Variants in PDSS2 observed in about 807,000 individuals in gnomAD.
PDSS2 encodes decaprenyl diphosphate synthase subunit 2.
A neutral mutation model predicts 44.5 loss-of-function variants in PDSS2; 31 were observed. The ratio of observed to expected loss-of-function variants is 0.70; its 90% CI spans 0.52 to 0.94. The LOEUF (loss-of-function observed/expected upper bound fraction) is 0.94. PDSS2 is among the 40% of genes least tolerant of loss of function. The probability of loss-of-function intolerance (pLI) is 0.00; values close to 1 mark genes in which losing one functional copy is unlikely to be tolerated. For synonymous variants in PDSS2, 157 were observed against 180.3 expected (o/e 0.87, Z 1.03); for missense variants, 452 against 482.2 (o/e 0.94, Z 0.59).
At chr6:107,300,151 T>C (rs941332708) in intron 2 of PDSS2, among the ~76,000 whole-genome samples, 3 of 152,192 alleles carry the variant, frequency 2.0e-5, no homozygotes, top group African/African-American at 7.2e-5. Context: ...ACCTCCTTGT[T>C]AAGTTTATCT....
At chr6:107,327,516 G>A (rs1582946363) in intron 2 of PDSS2, among the ~76,000 whole-genome samples, 1 of 152,320 alleles carries the variant, frequency 6.6e-6, no homozygotes, top group Admixed American at 6.5e-5. Flanking sequence ...GGGGTGCAGT[G>A]GCACGAACCT....
chr6:107,208,285 CT>C (rs1164014672), intron 6 of PDSS2, among the ~76,000 whole-genome samples: 7,598 of 52,612 alleles, frequency 0.14, 474 homozygotes, highest in East Asian at 0.34. Context: ...CATGCCTGGC[CT>C]TTTTTTTTTT....
intron 2 of PDSS2, among the ~76,000 whole-genome samples, chr6:107,331,974 A>G (rs1173470985): frequency 1.3e-5 from 2 of 152,178 alleles, no homozygotes; most frequent in Admixed American, 6.5e-5. Context: ...TATGGGATAC[A>G]AGGCAATGTG....
chr6:107,213,990 A>T (rs1773321111), intron 4 of PDSS2, among the ~76,000 whole-genome samples: 1 of 152,018 alleles, frequency 6.6e-6, no homozygotes, highest in Non-Finnish European at 1.5e-5. Context: ...GTGGCTATAT[A>T]AAAAAAAGTG....
chr6:107,336,257 GAAAAAAA>G (rs780156049), intron 1 of PDSS2, among the ~76,000 whole-genome samples: 147 of 69,074 alleles, frequency 2.1e-3, no homozygotes, highest in Non-Finnish European at 3.9e-3. Flanking sequence ...TTCCGTCTCA[GAAAAAAA>G]AAAAAAAAAA....
chr6:107,257,362 A>G (rs1775057641), intron 3 of PDSS2, among the ~76,000 whole-genome samples: 1 of 150,734 alleles, frequency 6.6e-6, no homozygotes. Context: ...CCATAGAGAG[A>G]CTCTGTGTCT....
intron 1 of PDSS2, among the ~76,000 whole-genome samples, chr6:107,342,938 A>C (rs1208093853): frequency 6.6e-6 from 1 of 152,226 alleles, no homozygotes; most frequent in African/African-American, 2.4e-5. Flanking sequence ...TTTCAATGTT[A>C]AAACCTAGAG....
chr6:107,259,764 T>C (rs1775152215), intron 3 of PDSS2, among the ~76,000 whole-genome samples: 1 of 152,206 alleles, frequency 6.6e-6, no homozygotes. Context: ...TATGGTTCTT[T>C]CCACTTCTCT....
At chr6:107,174,847 CAAT>C (rs1456904815) in intron 7 of PDSS2, among the ~76,000 whole-genome samples, 1 of 151,998 alleles carries the variant, frequency 6.6e-6, no homozygotes, top group Non-Finnish European at 1.5e-5. Context: ...ATTAGAAAAG[CAAT>C]AATAATAACA....
intron 1 of PDSS2, among the ~76,000 whole-genome samples, chr6:107,349,626 G>A (rs1307033144): frequency 1.3e-5 from 2 of 151,886 alleles, no homozygotes; most frequent in Non-Finnish European, 2.9e-5. Flanking sequence ...GCAGACACCT[G>A]TAATCCCAGC....
rs116471494 is a variant in PDSS2, at chr6:107,255,607, A to C, written c.631-9988T>G. 9.4e-3 allele frequency among the ~76,000 whole-genome samples: 1,427 copies of C among 152,160 alleles called. 20 individuals carry two copies. The highest frequency in any genetic ancestry group is 0.033 in the African/African-American group (1,353 of 41,532). On this transcript the variant is annotated intron_variant, in intron 3 of 7. Coordinates refer to ENST00000369037, the MANE Select transcript of PDSS2 (RefSeq NM_020381.4). ...AGAGTGAAACTCCATCTCAAAAAAA[A>C]AAAAAAACAAACAAAAAGTATTGAT... is the stretch of plus-strand genomic sequence containing the variant.
intron 7 of PDSS2, among the ~76,000 whole-genome samples, chr6:107,168,504 T>C (rs1284489717): frequency 5.9e-5 from 9 of 151,714 alleles, no homozygotes; most frequent in Non-Finnish European, 1.3e-4. Context: ...TATGTGTGAA[T>C]TTGATCCTGT....
At chr6:107,288,748 A>G (rs117130881) in intron 2 of PDSS2, among the ~76,000 whole-genome samples, 13,851 of 144,580 alleles carry the variant, frequency 0.096, 1,024 homozygotes, top group Non-Finnish European at 0.15. Context: ...TGCCGGGACG[A>G]AATTGTTTTT....
intron 7 of PDSS2, among the ~76,000 whole-genome samples, chr6:107,171,969 G>A (rs1483856099): frequency 1.3e-5 from 2 of 149,440 alleles, no homozygotes; most frequent in Non-Finnish European, 2.9e-5. Context: ...AAATACGAAA[G>A]GTGAATTAAC....
At chr6:107,200,089 A>G (rs1489496626) in intron 6 of PDSS2, among the ~76,000 whole-genome samples, 1 of 152,208 alleles carries the variant, frequency 6.6e-6, no homozygotes, top group Non-Finnish European at 1.5e-5. Flanking sequence ...CTAAAGGAAA[A>G]GACCTTAGAA....
chr6:107,341,333 G>A (rs551903791), intron 1 of PDSS2, among the ~76,000 whole-genome samples: 7 of 152,296 alleles, frequency 4.6e-5, no homozygotes, highest in South Asian at 2.1e-4. Context: ...TAATGCTACC[G>A]TTAGTAGAGA....
intron 3 of PDSS2, among the ~76,000 whole-genome samples, chr6:107,248,409 A>G (rs772720926): frequency 2.6e-5 from 4 of 151,328 alleles, no homozygotes; most frequent in Non-Finnish European, 4.4e-5. Context: ...TCTCAGGCCC[A>G]TGGGGCAAGC....
intron 1 of PDSS2, among the ~76,000 whole-genome samples, chr6:107,359,227 G>T (rs530952306): frequency 6.6e-6 from 1 of 151,280 alleles, no homozygotes; most frequent in Non-Finnish European, 1.5e-5. Context: ...GGCCAGGCTG[G>T]TCTCAAACTC....
At chr6:107,361,360 TAA>T (rs1183192836) in intron 1 of PDSS2, among the ~76,000 whole-genome samples, 3 of 152,216 alleles carry the variant, frequency 2.0e-5, no homozygotes, top group African/African-American at 7.2e-5. Flanking sequence ...AGGGTTAATT[TAA>T]CAAAGGATTA....
Sources: gnomAD v4.1 joint callset for allele counts (sites outside exome capture counted in the v4.1 genomes callset) on GRCh38, gnomAD v4.1.1 for gene constraint, MANE v1.5 for transcripts, NCBI Gene and HGNC (gene_info 2026-07-23, HGNC 2026-07-21) for gene names.